Variants in NRL observed in about 807,000 individuals in gnomAD.
NRL encodes neural retina-specific leucine zipper protein.
Under a neutral mutation model 12.5 loss-of-function variants are expected in NRL, and 16 were observed. The ratio of observed to expected loss-of-function variants is 1.28; its 90% CI spans 0.87 to 1.95. The LOEUF (loss-of-function observed/expected upper bound fraction) is 1.95, where lower values mean the gene tolerates loss of function less well. Among genes scored for constraint, NRL ranks in the 30% most tolerant of loss-of-function variants. The pLI is 0.00. For missense variants in NRL, 314 were observed against 325.8 expected, an observed-to-expected ratio of 0.96 and a Z score of 0.28; for synonymous variants, 142 against 150.9, an observed-to-expected ratio of 0.94 and a Z score of 0.43.
rs1266260807 is a variant in NRL, at chr14:24,082,721, G to A, written c.128C>T (p.Pro43Leu). 6.2e-7 allele frequency: 1 copy of A among 1,614,094 alleles called. No individual in the cohort carries two copies. The highest frequency in any genetic ancestry group is 1.7e-5 in the Admixed American group (1 of 60,004). The change falls in exon 2 of 3, where the codon CCT becomes CTT. Residue 43 changes from proline to leucine, a missense_variant. Pro to Leu is a moderately conservative substitution (Grantham distance 98). Coordinates refer to ENST00000561028, the MANE Select transcript of NRL (RefSeq NM_001354768.3). Reference protein sequence around the residue: ...GPPTASLGSTPYSSVPPSPTF... With the variant: ...GPPTASLGSTLYSSVPPSPTF... The stretch of plus-strand genomic sequence containing the variant: ...GGGTGAAGGAGGCACTGAGCTGTAA[G>A]GTGTGGAGCCCAGTGAGGCTGTAGG...
At chr14:24,096,476 C>A (rs955193713) in intron 1 of NRL, among the ~76,000 whole-genome samples, 1 of 152,106 alleles carries the variant, frequency 6.6e-6, no homozygotes, top group Admixed American at 6.5e-5. Flanking sequence ...ACCTCATGAT[C>A]CACCTGCCTC....
chr14:24,089,740 G>A (rs190875493), intron 1 of NRL, among the ~76,000 whole-genome samples: 7 of 152,222 alleles, frequency 4.6e-5, no homozygotes, highest in Non-Finnish European at 2.9e-5. Context: ...CAGAGGGGAT[G>A]CATCACAGGG....
chr14:24,087,240 G>C (rs2036488714), intron 1 of NRL, among the ~76,000 whole-genome samples: 1 of 152,134 alleles, frequency 6.6e-6, no homozygotes, highest in African/African-American at 2.4e-5. Context: ...GAAGGGAGTA[G>C]GGGACAACAA....
At chr14:24,090,278 G>T (rs1325684619) in intron 1 of NRL, among the ~76,000 whole-genome samples, 5 of 95,436 alleles carry the variant, frequency 5.2e-5, no homozygotes, top group South Asian at 4.4e-4. Context: ...GGGGGGGGGG[G>T]GGGCACGGGG....
intron 1 of NRL, among the ~76,000 whole-genome samples, chr14:24,102,113 A>G (rs1462372000): frequency 6.6e-6 from 1 of 152,212 alleles, no homozygotes; most frequent in Non-Finnish European, 1.5e-5. Flanking sequence ...CTGTAATCCC[A>G]GCTACTGGGG....
At chr14:24,109,211 C>A (rs2037381839) in intron 1 of NRL, among the ~76,000 whole-genome samples, 3 of 152,128 alleles carry the variant, frequency 2.0e-5, no homozygotes, top group Non-Finnish European at 4.4e-5. Context: ...CGCAACGTAC[C>A]AAATTTCAAA....
chr14:24,099,726 G>A, intron 1 of NRL: 3 of 1,611,808 alleles, frequency 1.9e-6, no homozygotes, highest in Non-Finnish European at 2.5e-6. Context: ...TGAAGGTGAG[G>A]GACTCTCAGA....
At chr14:24,100,014 C>T (rs1001649291) in intron 1 of NRL, 3 of 1,614,202 alleles carry the variant, frequency 1.9e-6, no homozygotes, top group African/African-American at 1.3e-5. Flanking sequence ...GGGCCATCAA[C>T]CCTGAGAACG....
In NRL at chr14:24,099,250, GAGA is replaced by G. The variant is rs777540514; in HGVS notation, c.-28+15469_-28+15471del. 5.7e-6 allele frequency: 9 copies of G among 1,583,126 alleles called. No individual in the cohort carries two copies. In the East Asian group the frequency reaches 2.0e-4, roughly 36 times the overall value. ...GAGCACATGCTGGTGAGGGCCTGGT[GAGA>G]AGCAGGGCAGCTGCCGGGGACAGGG... On this transcript the variant is annotated intron_variant, in intron 1 of 2. Transcript: ENST00000561028.
At position 24,100,024 on chromosome 14, in the gene NRL, G is replaced by A. The variant is rs752679058; in HGVS notation, c.-28+14698C>T. On this transcript the variant is annotated intron_variant, in intron 1 of 2. Coordinates refer to ENST00000561028, the MANE Select transcript of NRL (RefSeq NM_001354768.3). Reference sequence around the variant, plus strand: ...ACTCCGGGCCATCAACCCTGAGAACGGCTTCTTTGGGGTTGCCCCTGGTAC... The same window carrying A: ...ACTCCGGGCCATCAACCCTGAGAACAGCTTCTTTGGGGTTGCCCCTGGTAC... 34 of 1,613,932 alleles carry A rather than the reference G, an allele frequency of 2.1e-5. No homozygotes were observed. Among genetic ancestry groups the A allele is most frequent in the Middle Eastern group, 1.6e-4 (1 of 6,084 alleles).
intron 1 of NRL, among the ~76,000 whole-genome samples, chr14:24,104,872 G>A (rs1594317250): frequency 6.6e-6 from 1 of 152,146 alleles, no homozygotes; most frequent in African/African-American, 2.4e-5. Flanking sequence ...TTCAATATTA[G>A]GACAGCTAAC....
rs1184779512 is a variant in NRL, at chr14:24,099,401, T to C, written c.-28+15321A>G. On this transcript the variant is annotated intron_variant, in intron 1 of 2. Transcript: ENST00000561028. ...GCCTCAGGCTGCTGAATGTTGAGGT[T>C]TCCCCTGCCACTAACCCAGGCCTGA... Among the ~76,000 whole-genome samples, 3 of 152,234 alleles carry C rather than the reference T, an allele frequency of 2.0e-5. No individual in the cohort carries two copies. The East Asian group carries it at 5.8e-4, about 29-fold the overall frequency.
At chr14:24,114,686 C>T in intron 1 of NRL, 36 bp downstream of exon 1, 1 of 985,988 alleles carries the variant, frequency 1.0e-6, no homozygotes, top group Non-Finnish European at 1.2e-6. Context: ...TGCACTTTCT[C>T]CTCCCCTCAG....
At chr14:24,098,283 C>T (rs779027850) in intron 1 of NRL, 20 of 1,613,720 alleles carry the variant, frequency 1.2e-5, no homozygotes, top group Middle Eastern at 1.6e-4. Context: ...CAGCGGGACA[C>T]GGTACCACTC....
chr14:24,111,231 G>C (rs893474599), intron 1 of NRL, among the ~76,000 whole-genome samples: 3 of 151,738 alleles, frequency 2.0e-5, no homozygotes, highest in African/African-American at 7.3e-5. Context: ...CCTCCTCCTC[G>C]GCCTCCCACA....
intron 1 of NRL, among the ~76,000 whole-genome samples, chr14:24,109,591 G>C (rs533630420): frequency 4.0e-5 from 6 of 151,774 alleles, no homozygotes; most frequent in Non-Finnish European, 7.4e-5. Context: ...CCAGGTACTC[G>C]GGAGGCTGAG....
intron 1 of NRL, among the ~76,000 whole-genome samples, chr14:24,111,744 G>C (rs564322194): frequency 6.6e-6 from 1 of 151,510 alleles, no homozygotes; most frequent in East Asian, 1.9e-4. Context: ...GGGCTGAGAC[G>C]ATGGGGTTTT....
In NRL at chr14:24,081,740, C is replaced by T. The variant is rs1481946871; in HGVS notation, c.382-172G>A. 3.9e-6 allele frequency: 6 copies of T among 1,521,082 alleles called. No individual in the cohort carries two copies. The highest frequency in any genetic ancestry group is 5.3e-6 in the Non-Finnish European group (6 of 1,140,430). The allele number at this position is 1,521,082 out of a possible 1,614,324, so 94.2% of individuals were successfully genotyped here. ...TTCGGTCCAGAGCCCGCCCCAGGCC[C>T]CGACGCTCCCCGGGCCCCCCAGCTG... is the stretch of plus-strand genomic sequence containing the variant. On this transcript the variant is annotated intron_variant, in intron 2 of 2. Coordinates refer to ENST00000561028, the MANE Select transcript of NRL (RefSeq NM_001354768.3). This position sits in a 1 kb window ranked among gnomAD's most constrained non-coding sequence, Gnocchi z 4.4.
chr14:24,098,880 A>G (rs2037022500), intron 1 of NRL, among the ~76,000 whole-genome samples: 1 of 152,218 alleles, frequency 6.6e-6, no homozygotes, highest in Admixed American at 6.5e-5. Flanking sequence ...TCCGTGTCCA[A>G]GAATAGGGGC....
Sources: gnomAD v4.1 joint callset for allele counts (sites outside exome capture counted in the v4.1 genomes callset) on GRCh38, gnomAD v4.1.1 for gene constraint, Gnocchi (gnomAD v3.1) non-coding constraint, MANE v1.5 for transcripts, NCBI Gene and HGNC (gene_info 2026-07-23, HGNC 2026-07-21) for gene names.